MTUS2: variants seen among roughly 807,000 people sequenced by gnomAD.
MTUS2 encodes microtubule-associated tumor suppressor candidate 2.
Under a neutral mutation model 114.1 loss-of-function variants are expected in MTUS2, and 40 were observed. The ratio of observed to expected loss-of-function variants is 0.35; its 90% CI spans 0.27 to 0.46. The LOEUF (loss-of-function observed/expected upper bound fraction) is 0.46. Among genes scored for constraint, MTUS2 ranks in the 20% least tolerant of loss-of-function variants. MTUS2 has a pLI of 1.00. For missense variants in MTUS2, 1,679 were observed against 1,705.4 expected, an observed-to-expected ratio of 0.98 and a Z score of 0.27; for synonymous variants, 688 against 672.0, an observed-to-expected ratio of 1.02 and a Z score of -0.37.
At chr13:29,087,408 G>C (rs1889741194) in intron 4 of MTUS2, among the ~76,000 whole-genome samples, 1 of 152,176 alleles carries the variant, frequency 6.6e-6, no homozygotes, top group South Asian at 2.1e-4. Context: ...CACAATTACT[G>C]TTTTGCATAT....
In MTUS2 at chr13:29,100,966, C is replaced by T. The variant is rs1209381291; in HGVS notation, c.2640C>T (p.Ala880=). 1 of 1,559,394 alleles carries T rather than the reference C, an allele frequency of 6.4e-7. No homozygotes were observed. The highest frequency in any genetic ancestry group is 1.2e-5 in the South Asian group (1 of 84,724). The part of the protein sequence containing the change: ...DSAQPEQGRP[A]TRSTFGNEEQ... The stretch of plus-strand genomic sequence containing the variant: ...CACAGCCAGAGCAGGGCCGGCCAGC[C>T]ACCCGTAAGTGGGGTGGGGCAGGGT... Residue 880 remains alanine, a synonymous_variant, in exon 5 of 16, where the codon GCC becomes GCT. Coordinates refer to ENST00000612955, the MANE Select transcript of MTUS2 (RefSeq NM_001033602.4).
At chr13:29,439,155 G>A (rs1225317285) in intron 8 of MTUS2, among the ~76,000 whole-genome samples, 1 of 152,216 alleles carries the variant, frequency 6.6e-6, no homozygotes, top group African/African-American at 2.4e-5. Flanking sequence ...AAGGCCTGTA[G>A]TTTTGGTATC....
intron 2 of MTUS2, among the ~76,000 whole-genome samples, chr13:28,844,515 C>A (rs956464387): frequency 6.6e-6 from 1 of 151,390 alleles, no homozygotes; most frequent in African/African-American, 2.4e-5. Flanking sequence ...CAGAAGTACT[C>A]GTCCACCCCA....
intron 2 of MTUS2, among the ~76,000 whole-genome samples, chr13:28,887,336 A>G (rs1429899688): frequency 6.6e-6 from 1 of 151,984 alleles, no homozygotes; most frequent in African/African-American, 2.4e-5. Context: ...GGCTCCCTGG[A>G]CGCTACTCGT....
chr13:29,365,967 G>A (rs1400716857), intron 8 of MTUS2, among the ~76,000 whole-genome samples: 4 of 152,192 alleles, frequency 2.6e-5, no homozygotes, highest in South Asian at 2.1e-4. Flanking sequence ...TCTTCCCTGC[G>A]AGAGATGAGT....
chr13:28,849,599 C>T (rs1360169701), intron 2 of MTUS2, among the ~76,000 whole-genome samples: 2 of 152,158 alleles, frequency 1.3e-5, no homozygotes, highest in African/African-American at 2.4e-5. Flanking sequence ...ATAACTACAG[C>T]CAGCTCAGAA....
intron 6 of MTUS2, among the ~76,000 whole-genome samples, chr13:29,309,496 T>C (rs2139636201): frequency 6.6e-6 from 1 of 152,128 alleles, no homozygotes; most frequent in South Asian, 2.1e-4. Context: ...AATACCTAGG[T>C]GATGGGATGG....
chr13:29,024,078 T>G (rs1039135387), intron 2 of MTUS2, among the ~76,000 whole-genome samples: 2 of 152,264 alleles, frequency 1.3e-5, no homozygotes, highest in Admixed American at 6.5e-5. Context: ...TGTAAGATAA[T>G]TATGAATGTA....
intron 5 of MTUS2, among the ~76,000 whole-genome samples, chr13:29,208,946 C>G (rs1443175633): frequency 1.3e-5 from 2 of 152,020 alleles, no homozygotes; most frequent in African/African-American, 4.8e-5. Context: ...TCCATTTTTT[C>G]TAGGGTATAG....
intron 4 of MTUS2, among the ~76,000 whole-genome samples, chr13:29,057,822 G>A (rs998379792): frequency 6.6e-6 from 1 of 152,038 alleles, no homozygotes; most frequent in Non-Finnish European, 1.5e-5. Context: ...GTTATGTACA[G>A]GTTTGATCCT....
At chr13:28,989,673 G>A (rs944756511) in intron 2 of MTUS2, among the ~76,000 whole-genome samples, 2 of 152,108 alleles carry the variant, frequency 1.3e-5, no homozygotes, top group African/African-American at 4.8e-5. Context: ...GAGGGTGGAC[G>A]GCAGCCACCT....
chr13:28,953,341 TC>T (rs781366453), intron 2 of MTUS2, among the ~76,000 whole-genome samples: 20 of 152,106 alleles, frequency 1.3e-4, no homozygotes, highest in Non-Finnish European at 2.2e-4. Flanking sequence ...AAACCCCATC[TC>T]TACTAAAAAT....
At chr13:29,032,133 C>G (rs1443412592) in intron 3 of MTUS2, among the ~76,000 whole-genome samples, 1 of 152,094 alleles carries the variant, frequency 6.6e-6, no homozygotes, top group Non-Finnish European at 1.5e-5. Flanking sequence ...ATGAAGCTTT[C>G]TGTAGATTCC....
chr13:28,963,512 T>C (rs534222610), intron 2 of MTUS2, among the ~76,000 whole-genome samples: 2 of 152,266 alleles, frequency 1.3e-5, no homozygotes, highest in South Asian at 4.1e-4. Flanking sequence ...AGCATAAACG[T>C]GTGTGTATAT....
At chr13:29,422,726 T>C (rs1470404487) in intron 8 of MTUS2, among the ~76,000 whole-genome samples, 1 of 141,226 alleles carries the variant, frequency 7.1e-6, no homozygotes, top group Non-Finnish European at 1.5e-5. Context: ...TGTAGTGGCA[T>C]GATCTCAGCT....
intron 8 of MTUS2, among the ~76,000 whole-genome samples, chr13:29,369,701 C>T (rs954464272): frequency 2.0e-5 from 3 of 152,128 alleles, no homozygotes; most frequent in Admixed American, 6.5e-5. Flanking sequence ...TCACTTCTGC[C>T]CTCCCAGGAG....
chr13:29,451,555 G>C (rs1335841403), intron 9 of MTUS2, among the ~76,000 whole-genome samples: 3 of 151,778 alleles, frequency 2.0e-5, no homozygotes, highest in Non-Finnish European at 2.9e-5. Flanking sequence ...TTGAAAGAAG[G>C]TTTAGATTTA....
intron 5 of MTUS2, among the ~76,000 whole-genome samples, chr13:29,220,942 A>C (rs1895882816): frequency 6.6e-6 from 1 of 152,218 alleles, no homozygotes; most frequent in Admixed American, 6.5e-5. Flanking sequence ...GGTGAAGTAT[A>C]TATTACAAAC....
intron 5 of MTUS2, among the ~76,000 whole-genome samples, chr13:29,121,257 A>G (rs1891294231): frequency 6.6e-6 from 1 of 152,218 alleles, no homozygotes; most frequent in Non-Finnish European, 1.5e-5. Flanking sequence ...AAGAATAACT[A>G]CAGAAATATT....
Sources: gnomAD v4.1 joint callset for allele counts (sites outside exome capture counted in the v4.1 genomes callset) on GRCh38, gnomAD v4.1.1 for gene constraint, MANE v1.5 for transcripts, NCBI Gene and HGNC (gene_info 2026-07-23, HGNC 2026-07-21) for gene names.